SUGCT: variants seen among roughly 807,000 people sequenced by gnomAD.
The protein encoded by SUGCT is succinyl-CoA:glutarate CoA-transferase.
In SUGCT, 41 loss-of-function variants were observed where a neutral mutation model predicts 55.0. The observed-to-expected ratio is 0.74, with a 90% CI of 0.58 to 0.97. SUGCT has a LOEUF of 0.97. Among genes scored for constraint, SUGCT ranks in the 50% least tolerant of loss-of-function variants. The pLI is 0.00. For synonymous variants in SUGCT, 187 were observed against 200.4 expected, an observed-to-expected ratio of 0.93 and a Z score of 0.56; for missense variants, 568 against 547.8, an observed-to-expected ratio of 1.04 and a Z score of -0.37.
At chr7:40,488,856 T>C (rs1324200053) in intron 11 of SUGCT, among the ~76,000 whole-genome samples, 2 of 152,206 alleles carry the variant, frequency 1.3e-5, no homozygotes, top group African/African-American at 4.8e-5. Context: ...GTTGCTTATA[T>C]GTTAATTGCT....
intron 12 of SUGCT, among the ~76,000 whole-genome samples, chr7:40,631,410 GCCA>G (rs1799783073): frequency 6.6e-6 from 1 of 152,082 alleles, no homozygotes; most frequent in South Asian, 2.1e-4. Flanking sequence ...TGTTTTTCCT[GCCA>G]CCAGCTGTTT....
chr7:40,235,819 T>C (rs1788979461), intron 6 of SUGCT, among the ~76,000 whole-genome samples: 1 of 152,174 alleles, frequency 6.6e-6, no homozygotes, highest in South Asian at 2.1e-4. Context: ...TGATAAGTGC[T>C]GTGGCAACAT....
At chr7:40,886,102 G>A in the SUGCT span, among the ~76,000 whole-genome samples, 1 of 152,310 alleles carries the variant, frequency 6.6e-6, no homozygotes, top group African/African-American at 2.4e-5. Context: ...AAGGAATATG[G>A]AGAGTCATGC....
Position 40,163,376 on chromosome 7 carries a change from T to C in SUGCT, c.101-17571T>C, listed in dbSNP as rs935197586. 5.9e-5 allele frequency among the ~76,000 whole-genome samples: 9 copies of C among 152,128 alleles called. No homozygotes were observed. The East Asian group carries it at 9.7e-4, about 16-fold the overall frequency. ...ATCCCAGCACTTTGGGAGGTCGAGG[T>C]GGGCAGATTACAAGGTCAGGAGATC... is the stretch of plus-strand genomic sequence containing the variant. On this transcript the variant is annotated intron_variant, in intron 1 of 13. Coordinates refer to ENST00000335693, the MANE Select transcript of SUGCT (RefSeq NM_001193313.2).
chr7:40,552,661 T>C, intron 12 of SUGCT, among the ~76,000 whole-genome samples: 1 of 152,162 alleles, frequency 6.6e-6, no homozygotes, highest in South Asian at 2.1e-4. Context: ...GGCTGCAATC[T>C]GGGTGACATC....
intron 12 of SUGCT, among the ~76,000 whole-genome samples, chr7:40,678,454 C>T (rs988554674): frequency 6.6e-6 from 1 of 152,022 alleles, no homozygotes; most frequent in Admixed American, 6.5e-5. Context: ...CCCTTTTTCA[C>T]CAGAAAAATC....
chr7:40,890,679 A>G, the SUGCT span, among the ~76,000 whole-genome samples: 1 of 152,208 alleles, frequency 6.6e-6, no homozygotes, highest in Non-Finnish European at 1.5e-5. Context: ...GCTGACTGGT[A>G]AAAGGCTTTC....
At chr7:40,764,098 A>C (rs1157169684) in intron 13 of SUGCT, among the ~76,000 whole-genome samples, 1 of 152,172 alleles carries the variant, frequency 6.6e-6, no homozygotes, top group Non-Finnish European at 1.5e-5. Flanking sequence ...CACCAAAAAA[A>C]AGTGTGGTCC....
At chr7:40,362,479 C>T (rs1429525201) in intron 9 of SUGCT, among the ~76,000 whole-genome samples, 1 of 152,104 alleles carries the variant, frequency 6.6e-6, no homozygotes. Flanking sequence ...TGTAATCCTT[C>T]AGTGTCTCCA....
chr7:40,219,548 T>C (rs907179301), intron 6 of SUGCT, among the ~76,000 whole-genome samples: 27 of 152,230 alleles, frequency 1.8e-4, no homozygotes, highest in African/African-American at 6.3e-4. Context: ...TGATCAGTCA[T>C]CTCAATTGTA....
intron 8 of SUGCT, among the ~76,000 whole-genome samples, chr7:40,274,937 G>A (rs1792363241): frequency 6.6e-6 from 1 of 152,134 alleles, no homozygotes; most frequent in Admixed American, 6.5e-5. Flanking sequence ...GAGTAGCTGG[G>A]GTTACAGGCA....
chr7:40,563,758 G>T (rs1268683762), intron 12 of SUGCT, among the ~76,000 whole-genome samples: 2 of 151,498 alleles, frequency 1.3e-5, no homozygotes, highest in African/African-American at 2.4e-5. Context: ...TAATAAAAGG[G>T]GGGGAAAGCC....
chr7:40,563,798 G>A lies in SUGCT; in HGVS notation c.1089+67412G>A, dbSNP rs1795978986. On this transcript the variant is annotated intron_variant, in intron 12 of 13. Coordinates refer to ENST00000335693, the MANE Select transcript of SUGCT (RefSeq NM_001193313.2). ...ATGGCTTTCTGCAATCTAAGTGAAAGCAATACTCCTTCTGTGAATGAATTT... is the reference window on the plus strand; with the variant it reads ...ATGGCTTTCTGCAATCTAAGTGAAAACAATACTCCTTCTGTGAATGAATTT... Among the ~76,000 whole-genome samples, 3 of 152,098 alleles carry A rather than the reference G, an allele frequency of 2.0e-5. No homozygotes were observed. In the South Asian group the frequency reaches 6.2e-4, roughly 32 times the overall value.
chr7:40,788,518 C>T (rs1790148898), intron 13 of SUGCT, among the ~76,000 whole-genome samples: 1 of 152,084 alleles, frequency 6.6e-6, no homozygotes, highest in Non-Finnish European at 1.5e-5. Flanking sequence ...GAAGTTTTAA[C>T]AAGAAAATAG....
intron 13 of SUGCT, among the ~76,000 whole-genome samples, chr7:40,754,532 G>A (rs1267785377): frequency 6.6e-6 from 1 of 152,194 alleles, no homozygotes; most frequent in East Asian, 1.9e-4. Context: ...CCCTCGTGGA[G>A]CTTATGCTTG....
At chr7:40,277,126 G>A (rs940106312) in intron 8 of SUGCT, among the ~76,000 whole-genome samples, 1 of 152,168 alleles carries the variant, frequency 6.6e-6, no homozygotes, top group Non-Finnish European at 1.5e-5. Flanking sequence ...AAAAAAAGTA[G>A]CAGTGATTTG....
At chr7:40,598,727 G>A (rs1798149828) in intron 12 of SUGCT, among the ~76,000 whole-genome samples, 2 of 152,190 alleles carry the variant, frequency 1.3e-5, no homozygotes, top group South Asian at 4.1e-4. Flanking sequence ...AGAAAACCAG[G>A]TGGTCAAGAA....
At position 40,748,715 on chromosome 7, in the gene SUGCT, T is replaced by C. The variant is rs144916205; in HGVS notation, c.1090-719T>C. ...CCTGCCTCACCATTGCATGAGAACC[T>C]AATCAGCCCTCTGGGATGAAGTCTC... On this transcript the variant is annotated intron_variant, in intron 12 of 13. Coordinates refer to ENST00000335693, the MANE Select transcript of SUGCT (RefSeq NM_001193313.2). 5.0e-3 allele frequency among the ~76,000 whole-genome samples: 759 copies of C among 152,270 alleles called. 12 individuals are homozygous for C. The highest frequency in any genetic ancestry group is 0.044 in the East Asian group (229 of 5,180).
chr7:40,401,972 C>G (rs966377125), intron 9 of SUGCT, among the ~76,000 whole-genome samples: 1 of 152,088 alleles, frequency 6.6e-6, no homozygotes, highest in Non-Finnish European at 1.5e-5. Context: ...GTTTCAACAA[C>G]TTTTTTGTTT....
Sources: gnomAD v4.1 joint callset for allele counts (sites outside exome capture counted in the v4.1 genomes callset) on GRCh38, gnomAD v4.1.1 for gene constraint, MANE v1.5 for transcripts, NCBI Gene and HGNC (gene_info 2026-07-23, HGNC 2026-07-21) for gene names.